Variants in CDKAL1 observed in about 807,000 individuals in gnomAD.
CDKAL1 encodes the protein CDKAL1 threonylcarbamoyladenosine tRNA methylthiotransferase, also known as threonylcarbamoyladenosine tRNA methylthiotransferase.
A neutral mutation model predicts 68.2 loss-of-function variants in CDKAL1; 32 were observed. The observed-to-expected ratio is 0.47, with a 90% CI of 0.35 to 0.63. The LOEUF is 0.63. Ranked by LOEUF, CDKAL1 falls within the 30% of genes least tolerant of loss-of-function variation. CDKAL1 has a pLI of 0.00. For synonymous variants in CDKAL1, 234 were observed against 244.3 expected, an observed-to-expected ratio of 0.96 and a Z score of 0.39; for missense variants, 606 against 696.7, an observed-to-expected ratio of 0.87 and a Z score of 1.47.
intron 5 of CDKAL1, among the ~76,000 whole-genome samples, chr6:20,665,426 G>T (rs1482415741): frequency 3.9e-5 from 6 of 152,090 alleles, no homozygotes; most frequent in African/African-American, 1.4e-4. Context: ...CCTGTATACA[G>T]AATTACAGTG....
intron 4 of CDKAL1, among the ~76,000 whole-genome samples, chr6:20,579,702 C>G (rs1334133832): frequency 1.3e-5 from 2 of 152,176 alleles, no homozygotes; most frequent in Non-Finnish European, 1.5e-5. Flanking sequence ...AGCCCGTGCT[C>G]TTAATCACTG....
intron 12 of CDKAL1, among the ~76,000 whole-genome samples, chr6:21,092,197 T>C (rs549662505): frequency 6.8e-6 from 1 of 147,540 alleles, no homozygotes; most frequent in East Asian, 2.0e-4. Flanking sequence ...GGCTCAGAAC[T>C]TTCAATCAGC....
intron 4 of CDKAL1, among the ~76,000 whole-genome samples, chr6:20,642,317 C>A (rs914346804): frequency 2.0e-5 from 3 of 151,944 alleles, no homozygotes; most frequent in African/African-American, 7.2e-5. Context: ...AGTAAAATGA[C>A]AAACTGGAAA....
intron 5 of CDKAL1, among the ~76,000 whole-genome samples, chr6:20,694,565 A>G (rs909118883): frequency 1.3e-5 from 2 of 152,150 alleles, no homozygotes; most frequent in Admixed American, 1.3e-4. Flanking sequence ...AGGTAGTTAC[A>G]TTAATGCCAG....
chr6:21,004,939 G>A (rs1237188394), intron 11 of CDKAL1, among the ~76,000 whole-genome samples: 1 of 152,184 alleles, frequency 6.6e-6, no homozygotes, highest in Non-Finnish European at 1.5e-5. Flanking sequence ...TCCAGCCTGC[G>A]TGACAGAGCA....
intron 9 of CDKAL1, among the ~76,000 whole-genome samples, chr6:20,849,355 G>A (rs1245421700): frequency 2.0e-5 from 3 of 151,960 alleles, no homozygotes; most frequent in South Asian, 2.1e-4. Context: ...AGGCCAAGGC[G>A]GGTGGATCAC....
rs186519149 is a variant in CDKAL1 at position 20,734,305 on chromosome 6, T to C, written c.372-5214T>C. On this transcript the variant is annotated intron_variant, in intron 5 of 15. Coordinates refer to ENST00000274695, the MANE Select transcript of CDKAL1 (RefSeq NM_017774.3). ...GTACCTCTCTTTATTTAGAAATATGTTTCAAGAAAAAATGACCCATTATAT... is the reference window on the plus strand; with the variant it reads ...GTACCTCTCTTTATTTAGAAATATGCTTCAAGAAAAAATGACCCATTATAT... 3.8e-4 allele frequency among the ~76,000 whole-genome samples: 58 copies of C among 152,242 alleles called. 1 individual carries two copies. The East Asian group carries it at 9.1e-3, about 24-fold the overall frequency.
chr6:21,210,717 G>A (rs1033592898), intron 15 of CDKAL1, among the ~76,000 whole-genome samples: 1 of 152,188 alleles, frequency 6.6e-6, no homozygotes, highest in Non-Finnish European at 1.5e-5. Context: ...CTGATGACTT[G>A]AGGTATCAGG....
At chr6:21,158,868 CT>C (rs1187537067) in intron 13 of CDKAL1, among the ~76,000 whole-genome samples, 3 of 152,072 alleles carry the variant, frequency 2.0e-5, no homozygotes, top group African/African-American at 7.2e-5. Context: ...AACTTCTAAC[CT>C]TTTTTTCAGT....
chr6:21,071,127 A>T (rs574628942), intron 12 of CDKAL1, among the ~76,000 whole-genome samples: 1 of 152,286 alleles, frequency 6.6e-6, no homozygotes, highest in South Asian at 2.1e-4. Context: ...TAAATTATTC[A>T]TATTTTCCTT....
intron 13 of CDKAL1, among the ~76,000 whole-genome samples, chr6:21,110,465 T>G (rs1774066420): frequency 6.6e-6 from 1 of 152,250 alleles, no homozygotes; most frequent in Non-Finnish European, 1.5e-5. Context: ...AGTTATTTTG[T>G]CATTTGAATT....
intron 2 of CDKAL1, among the ~76,000 whole-genome samples, chr6:20,545,964 A>G (rs1763584879): frequency 6.6e-6 from 1 of 152,238 alleles, no homozygotes; most frequent in African/African-American, 2.4e-5. Flanking sequence ...AAAATTTCTT[A>G]TAGCTTGACA....
chr6:20,569,136 G>A (rs1764597488), intron 4 of CDKAL1, among the ~76,000 whole-genome samples: 1 of 152,140 alleles, frequency 6.6e-6, no homozygotes, highest in South Asian at 2.1e-4. Context: ...TATTTTTACT[G>A]TTAGATGTAA....
At chr6:20,777,598 G>C (rs1265739549) in intron 7 of CDKAL1, among the ~76,000 whole-genome samples, 1 of 152,206 alleles carries the variant, frequency 6.6e-6, no homozygotes. Flanking sequence ...CTGGGCGACA[G>C]AGTGAGACCC....
intron 4 of CDKAL1, among the ~76,000 whole-genome samples, chr6:20,552,264 G>A (rs889921966): frequency 6.6e-6 from 1 of 151,758 alleles, no homozygotes; most frequent in South Asian, 2.1e-4. Flanking sequence ...TGGCAGGATC[G>A]CTTGAGCCTG....
intron 4 of CDKAL1, among the ~76,000 whole-genome samples, chr6:20,606,527 G>T (rs1171226402): frequency 6.6e-6 from 1 of 152,114 alleles, no homozygotes; most frequent in African/African-American, 2.4e-5. Context: ...AACACCAAAA[G>T]AATCATTTTT....
intron 4 of CDKAL1, among the ~76,000 whole-genome samples, chr6:20,641,333 A>T (rs1768163956): frequency 6.6e-6 from 1 of 152,240 alleles, no homozygotes; most frequent in African/African-American, 2.4e-5. Flanking sequence ...TTAACAATTC[A>T]AACAGTACAG....
At chr6:21,170,530 A>G (rs1023660027) in intron 13 of CDKAL1, among the ~76,000 whole-genome samples, 3 of 152,112 alleles carry the variant, frequency 2.0e-5, no homozygotes, top group African/African-American at 7.2e-5. Flanking sequence ...GGGTTTCACT[A>G]TCTTGGCCAG....
chr6:21,146,953 T>C (rs1202441227), intron 13 of CDKAL1, among the ~76,000 whole-genome samples: 1 of 152,190 alleles, frequency 6.6e-6, no homozygotes, highest in African/African-American at 2.4e-5. Context: ...CCCTATAGTT[T>C]TCCTGTCTGA....
Sources: allele counts gnomAD v4.1 joint callset (sites outside exome capture counted in the v4.1 genomes callset), GRCh38; gene constraint gnomAD v4.1.1; transcripts MANE v1.5; gene names NCBI Gene and HGNC (gene_info 2026-07-23, HGNC 2026-07-21).